Variants in EGFLAM observed in about 807,000 individuals in gnomAD.
EGFLAM encodes the protein EGF like, fibronectin type III and laminin G domains.
EGFLAM carries 79 observed loss-of-function variants against 113.1 expected under a neutral mutation model. That is an observed-to-expected ratio of 0.70 (90% CI 0.58 to 0.84). The LOEUF (loss-of-function observed/expected upper bound fraction) is 0.84, where lower values mean the gene tolerates loss of function less well. Among genes scored for constraint, EGFLAM ranks in the 40% least tolerant of loss-of-function variants. The pLI, the probability that EGFLAM is intolerant of heterozygous loss-of-function variation, is 0.00. For synonymous variants in EGFLAM, 504 were observed against 487.6 expected (o/e 1.03, Z -0.44); for missense variants, 1,265 against 1,291.6 (o/e 0.98, Z 0.32).
intron 20 of EGFLAM, chr5:38,461,015 A>G (rs145501627): frequency 3.9e-5 from 6 of 152,352 alleles, no homozygotes; most frequent in Non-Finnish European, 8.8e-5. Context: ...AGGTTTTATA[A>G]TCTTCATTTT....
At chr5:38,449,673 C>T (rs1561101357) in intron 18 of EGFLAM, among the ~76,000 whole-genome samples, 2 of 146,846 alleles carry the variant, frequency 1.4e-5, no homozygotes, top group Non-Finnish European at 2.9e-5. Context: ...TGTGCGCATG[C>T]ATGTGTGTGT....
chr5:38,320,073 CA>C (rs766413593), intron 1 of EGFLAM, among the ~76,000 whole-genome samples: 2 of 152,234 alleles, frequency 1.3e-5, no homozygotes, highest in Admixed American at 6.5e-5. Context: ...GCCATCATGG[CA>C]GCGTAAAATT....
chr5:38,309,183 AC>A (rs1376350862), intron 1 of EGFLAM, among the ~76,000 whole-genome samples: 1 of 152,244 alleles, frequency 6.6e-6, no homozygotes, highest in Non-Finnish European at 1.5e-5. Flanking sequence ...TACTATTTGT[AC>A]CATGGAAGTA....
intron 1 of EGFLAM, among the ~76,000 whole-genome samples, chr5:38,278,781 G>T (rs1254261992): frequency 6.8e-6 from 1 of 147,430 alleles, no homozygotes; most frequent in Non-Finnish European, 1.5e-5. Context: ...GAGCCACCGT[G>T]CCTGGCCTCT....
intron 6 of EGFLAM, among the ~76,000 whole-genome samples, chr5:38,375,586 C>G (rs1056135142): frequency 9.9e-5 from 15 of 152,188 alleles, no homozygotes; most frequent in Non-Finnish European, 1.5e-5. Context: ...AACACTTCAG[C>G]CCTACTAACT....
At chr5:38,268,551 T>G (rs1214676639) in intron 1 of EGFLAM, among the ~76,000 whole-genome samples, 4 of 152,098 alleles carry the variant, frequency 2.6e-5, no homozygotes, top group Admixed American at 2.6e-4. Flanking sequence ...TGCTTTGGAG[T>G]TCCTGAAATG....
intron 6 of EGFLAM, among the ~76,000 whole-genome samples, chr5:38,399,570 A>C (rs1478933916): frequency 6.6e-6 from 1 of 151,648 alleles, no homozygotes; most frequent in Non-Finnish European, 1.5e-5. Flanking sequence ...GAGCCACTGC[A>C]CCCGGCCCCC....
intron 1 of EGFLAM, among the ~76,000 whole-genome samples, chr5:38,324,836 C>A (rs1387438296): frequency 2.0e-5 from 3 of 152,084 alleles, no homozygotes; most frequent in Non-Finnish European, 4.4e-5. Flanking sequence ...TCTGAAGCTT[C>A]CCTGAAGAAG....
intron 1 of EGFLAM, among the ~76,000 whole-genome samples, chr5:38,285,219 C>T (rs754747819): frequency 3.9e-5 from 6 of 152,188 alleles, no homozygotes; most frequent in Non-Finnish European, 8.8e-5. Flanking sequence ...AGCCCCAGTG[C>T]ATGATCAAAG....
chr5:38,405,550 A>G (rs1429382535), intron 6 of EGFLAM, among the ~76,000 whole-genome samples: 1 of 152,206 alleles, frequency 6.6e-6, no homozygotes, highest in Non-Finnish European at 1.5e-5. Context: ...ACTCCATTCT[A>G]TAGATATACT....
At chr5:38,385,297 G>A (rs1468857845) in intron 6 of EGFLAM, among the ~76,000 whole-genome samples, 16 of 13,426 alleles carry the variant, frequency 1.2e-3, no homozygotes, top group Admixed American at 2.7e-3. Context: ...CCCCGCCCCC[G>A]CCACCGCCAA....
Position 38,452,007 on chromosome 5 carries a change from A to G in EGFLAM, c.2687+549A>G, listed in dbSNP as rs758808384. Among the ~76,000 whole-genome samples, 240 of 151,220 alleles carry G rather than the reference A, an allele frequency of 1.6e-3. 1 individual carries two copies. In the Middle Eastern group the frequency reaches 0.02, roughly 13 times the overall value. ...ACTCCATCTCAAAAAAAAAAAAAAA[A>G]AAAAGAGTACAGCAGTATTCCAACA... On this transcript the variant is annotated intron_variant, in intron 19 of 21. Coordinates refer to ENST00000322350, the MANE Select transcript of EGFLAM (RefSeq NM_152403.4).
chr5:38,290,904 A>AC (rs1178469462), intron 1 of EGFLAM: 2 of 151,932 alleles, frequency 1.3e-5, no homozygotes, highest in African/African-American at 4.8e-5. Flanking sequence ...ACGCGGTGAA[A>AC]CCCGTCTCTA....
intron 1 of EGFLAM, among the ~76,000 whole-genome samples, chr5:38,287,205 C>G (rs996153024): frequency 1.3e-5 from 2 of 152,180 alleles, no homozygotes; most frequent in Admixed American, 1.3e-4. Flanking sequence ...TGGTCAGTTT[C>G]CATAATCTTC....
chr5:38,418,913 T>C (rs1158125349), intron 12 of EGFLAM, among the ~76,000 whole-genome samples: 1 of 152,222 alleles, frequency 6.6e-6, no homozygotes, highest in African/African-American at 2.4e-5. Context: ...ATTCAGGGAC[T>C]GTCTACTAGA....
chr5:38,325,731 A>G (rs2589820), intron 1 of EGFLAM, among the ~76,000 whole-genome samples: 56,948 of 152,076 alleles, frequency 0.37, 14,372 homozygotes, highest in African/African-American at 0.72. Context: ...ATGAGCAGTT[A>G]GGTTATTCCA....
At chr5:38,290,459 CAT>C (rs1758294844) in intron 1 of EGFLAM, 2 of 152,204 alleles carry the variant, frequency 1.3e-5, no homozygotes, top group Non-Finnish European at 2.9e-5. Context: ...ATTGACAGCA[CAT>C]GTTACAGAAC....
chr5:38,338,629 G>A, intron 2 of EGFLAM, 69 bp from the exon 3 acceptor site: 2 of 1,441,590 alleles, frequency 1.4e-6, no homozygotes, highest in Non-Finnish European at 2.0e-6. Context: ...CACTGTGAGT[G>A]CAATTACAAC....
intron 17 of EGFLAM, among the ~76,000 whole-genome samples, chr5:38,442,076 G>A (rs1257230538): frequency 6.6e-6 from 1 of 152,020 alleles, no homozygotes; most frequent in Non-Finnish European, 1.5e-5. Context: ...TTTATGTTGT[G>A]TTTACTTGAG....
Sources: gnomAD v4.1 joint callset for allele counts (sites outside exome capture counted in the v4.1 genomes callset) on GRCh38, gnomAD v4.1.1 for gene constraint, MANE v1.5 for transcripts, NCBI Gene and HGNC (gene_info 2026-07-23, HGNC 2026-07-21) for gene names.